Variants in DNAH6 observed in about 807,000 individuals in gnomAD.
DNAH6 encodes dynein axonemal heavy chain 6, also known as axonemal beta dynein heavy chain 6.
In DNAH6, 340 loss-of-function variants were observed where a neutral mutation model predicts 491.4. That is an observed-to-expected ratio of 0.69 (90% confidence interval 0.63 to 0.76). The LOEUF (loss-of-function observed/expected upper bound fraction) is 0.76. DNAH6 is among the 30% of genes least tolerant of loss of function. The pLI is 0.00. For synonymous variants in DNAH6, 1,603 were observed against 1,686.1 expected (o/e 0.95, Z 1.21); for missense variants, 4,443 against 4,972.2 (o/e 0.89, Z 3.20).
intron 11 of DNAH6, among the ~76,000 whole-genome samples, chr2:84,567,386 C>T (rs1415966268): frequency 6.6e-6 from 1 of 152,122 alleles, no homozygotes; most frequent in East Asian, 1.9e-4. Context: ...AAGCATCACA[C>T]TACTCAACTT....
chr2:84,494,252 G>T, the DNAH6 span, among the ~76,000 whole-genome samples: 1 of 152,308 alleles, frequency 6.6e-6, no homozygotes, highest in East Asian at 1.9e-4. Flanking sequence ...GGTAGCATAT[G>T]AATCATCTGA....
chr2:84,637,763 C>G (rs907264435), intron 31 of DNAH6, among the ~76,000 whole-genome samples: 8 of 152,118 alleles, frequency 5.3e-5, no homozygotes, highest in Non-Finnish European at 8.8e-5. Context: ...TAAGTAGAAG[C>G]CTCCTCACTA....
Position 84,593,458 on chromosome 2 carries a change from C to A in DNAH6, c.2611-514C>A, listed in dbSNP as rs556348656. Reference sequence around the variant, plus strand: ...ACACCTTCTTCAGATTTTCTTGCACCCTTCCTCTCCATGGGGTTCATATAA... The same window carrying A: ...ACACCTTCTTCAGATTTTCTTGCACACTTCCTCTCCATGGGGTTCATATAA... On this transcript the variant is annotated intron_variant, in intron 16 of 76. Transcript: ENST00000389394. Among the ~76,000 whole-genome samples the A allele has an allele frequency of 2.0e-5, 3 of 152,254 alleles. No homozygotes were observed. The East Asian group carries it at 5.8e-4, about 29-fold the overall frequency.
chr2:84,791,019 G>A (rs1677680635), intron 68 of DNAH6, among the ~76,000 whole-genome samples: 1 of 151,966 alleles, frequency 6.6e-6, no homozygotes, highest in Non-Finnish European at 1.5e-5. Flanking sequence ...GTGAAACCCT[G>A]TCTCTACTAA....
chr2:84,736,538 C>T (rs1391264449), intron 62 of DNAH6, among the ~76,000 whole-genome samples: 1 of 151,988 alleles, frequency 6.6e-6, no homozygotes, highest in African/African-American at 2.4e-5. Flanking sequence ...TGTAGTTACT[C>T]TTATAGAGAT....
At chr2:84,725,133 G>A (rs1435485011) in intron 60 of DNAH6, among the ~76,000 whole-genome samples, 1 of 152,156 alleles carries the variant, frequency 6.6e-6, no homozygotes, top group Non-Finnish European at 1.5e-5. Context: ...CATAATGCTC[G>A]AGTGTTTCAT....
intron 21 of DNAH6, among the ~76,000 whole-genome samples, chr2:84,609,889 AC>A (rs1310836697): frequency 6.6e-6 from 1 of 152,132 alleles, no homozygotes; most frequent in Non-Finnish European, 1.5e-5. Context: ...GCACAATAAA[AC>A]AAAGCATGCC....
chr2:84,604,210 T>G (rs932407979), intron 18 of DNAH6, 129 bp from the exon 19 acceptor site: 4 of 702,220 alleles, frequency 5.7e-6, no homozygotes, highest in Non-Finnish European at 9.4e-6. Context: ...TCATCCAGAT[T>G]TTGCTCTGTG....
intron 71 of DNAH6, among the ~76,000 whole-genome samples, 152 bp downstream of exon 71, chr2:84,805,946 T>G (rs1679377468): frequency 6.6e-6 from 1 of 152,210 alleles, no homozygotes; most frequent in African/African-American, 2.4e-5. Context: ...ATTTATAGAC[T>G]AGAAGCTTAC....
At chr2:84,783,396 G>A (rs1676881298) in intron 65 of DNAH6, among the ~76,000 whole-genome samples, 1 of 152,192 alleles carries the variant, frequency 6.6e-6, no homozygotes, top group South Asian at 2.1e-4. Flanking sequence ...AAGAACAAAA[G>A]TATGGAAAAA....
chr2:84,580,804 C>CTACT (rs1682949419), intron 14 of DNAH6, among the ~76,000 whole-genome samples: 1 of 152,054 alleles, frequency 6.6e-6, no homozygotes, highest in African/African-American at 2.4e-5. Flanking sequence ...AATAGGGATC[C>CTACT]TACTTAAGGA....
At chr2:84,731,243 C>T (rs1195854005) in intron 61 of DNAH6, among the ~76,000 whole-genome samples, 7 of 152,164 alleles carry the variant, frequency 4.6e-5, no homozygotes, top group Non-Finnish European at 4.4e-5. Flanking sequence ...TCCCCACTGC[C>T]AGTTAAAGGG....
intron 52 of DNAH6, 136 bp downstream of exon 52, chr2:84,705,883 T>G: frequency 4.4e-6 from 5 of 1,131,802 alleles, no homozygotes; most frequent in Non-Finnish European, 4.7e-6. Context: ...GCTTTTGTTT[T>G]AAACAAGAGC....
chr2:84,570,712 A>T (rs1477705654), intron 11 of DNAH6, among the ~76,000 whole-genome samples: 1 of 152,214 alleles, frequency 6.6e-6, no homozygotes, highest in Admixed American at 6.5e-5. Flanking sequence ...AATCAGCAGG[A>T]TATGGGCAGG....
chr2:84,554,612 G>A (rs1013737896), intron 10 of DNAH6, among the ~76,000 whole-genome samples: 1 of 152,202 alleles, frequency 6.6e-6, no homozygotes, highest in Non-Finnish European at 1.5e-5. Flanking sequence ...TGATGAGAAG[G>A]CATATGAGTT....
chr2:84,519,557 A>T (rs1202020002), intron 2 of DNAH6, among the ~76,000 whole-genome samples: 1 of 149,964 alleles, frequency 6.7e-6, no homozygotes, highest in Admixed American at 6.6e-5. Context: ...TTTGTTATTG[A>T]CTTCCCTCCC....
intron 68 of DNAH6, among the ~76,000 whole-genome samples, chr2:84,794,947 C>G (rs1365738873): frequency 8.0e-5 from 12 of 150,810 alleles, no homozygotes; most frequent in East Asian, 1.9e-4. Flanking sequence ...AACAATGATA[C>G]ACTGGATTAA....
At position 84,733,670 on chromosome 2, in the gene DNAH6, CAG is replaced by C; in HGVS notation, c.10342+92_10342+93del. Reference sequence around the variant, plus strand: ...TTTTCTTTAACCTCTTCTGTAATGTCAGCATTTTTCACTAGGAACTTCCTTCA... The same window carrying C: ...TTTTCTTTAACCTCTTCTGTAATGTCCATTTTTCACTAGGAACTTCCTTCA... On this transcript the variant is annotated intron_variant, in intron 62 of 76. Coordinates refer to ENST00000389394, the MANE Select transcript of DNAH6 (RefSeq NM_001370.2). 5.9e-6 allele frequency: 7 copies of C among 1,191,044 alleles called. No individual in the cohort carries two copies. The South Asian group carries it at 1.4e-4, about 24-fold the overall frequency. The allele number at this position is 1,191,044 out of a possible 1,614,324, so 73.8% of individuals were successfully genotyped here.
intron 64 of DNAH6, among the ~76,000 whole-genome samples, chr2:84,769,569 G>C (rs1559020483): frequency 2.0e-5 from 3 of 152,198 alleles, no homozygotes. Flanking sequence ...TGGTGCCATA[G>C]TGAACAGAAA....
Sources: allele counts gnomAD v4.1 joint callset (sites outside exome capture counted in the v4.1 genomes callset), GRCh38; gene constraint gnomAD v4.1.1; transcripts MANE v1.5; gene names NCBI Gene and HGNC (gene_info 2026-07-23, HGNC 2026-07-21).